MAP3K19: variants seen among roughly 807,000 people sequenced by gnomAD.
MAP3K19 encodes the protein SPS1/STE20-related protein kinase YSK4.
Under a neutral mutation model 114.4 loss-of-function variants are expected in MAP3K19, and 91 were observed. The ratio of observed to expected loss-of-function variants is 0.80; its 90% CI spans 0.67 to 0.95. The LOEUF (loss-of-function observed/expected upper bound fraction) is 0.95, where lower values mean the gene tolerates loss of function less well. Ranked by LOEUF, MAP3K19 falls within the 40% of genes least tolerant of loss-of-function variation. The pLI is 0.00. For synonymous variants in MAP3K19, 518 were observed against 530.5 expected, an observed-to-expected ratio of 0.98 and a Z score of 0.32; for missense variants, 1,471 against 1,573.2, an observed-to-expected ratio of 0.94 and a Z score of 1.10.
intron 5 of MAP3K19, among the ~76,000 whole-genome samples, chr2:135,015,753 C>T (rs1226655739): frequency 2.6e-5 from 4 of 151,926 alleles, no homozygotes; most frequent in African/African-American, 9.7e-5. Flanking sequence ...ATTAGCCGGG[C>T]ATGGTGGTGC....
In MAP3K19 at chr2:134,999,842, A is replaced by G. The variant is rs912003326; in HGVS notation, c.314+95T>C. The G allele has an allele frequency of 2.4e-6, 2 of 840,596 alleles. No individual in the cohort carries two copies. The highest frequency in any genetic ancestry group is 4.0e-6 in the Non-Finnish European group (2 of 497,018). 52.1% of individuals were successfully genotyped at this position (840,596 alleles called of 1,614,324 possible). On this transcript the variant is annotated intron_variant, in intron 7 of 12. Coordinates refer to ENST00000392915, the MANE Select transcript of MAP3K19 (RefSeq NM_025052.5). The surrounding 1 kb of genome is among the most constrained non-coding windows in gnomAD (Gnocchi z 4.1). ...ATTGTGACCTCTACTTTTAAGCATT[A>G]TTATGGATTCAATTACTAATAATGT...
chr2:135,016,017 G>A (rs1687566726), intron 5 of MAP3K19, among the ~76,000 whole-genome samples: 1 of 152,154 alleles, frequency 6.6e-6, no homozygotes, highest in African/African-American at 2.4e-5. Context: ...TTGGGAGGAT[G>A]AGGCAGGGAC....
chr2:135,003,726 G>A (rs1046721138), intron 6 of MAP3K19, among the ~76,000 whole-genome samples: 3 of 151,836 alleles, frequency 2.0e-5, no homozygotes, highest in Non-Finnish European at 4.4e-5. Flanking sequence ...GGCTAATTTT[G>A]TATTTTTAGT....
chr2:135,036,999 CTTTT>C (rs10617799), intron 2 of MAP3K19, among the ~76,000 whole-genome samples: 16 of 144,564 alleles, frequency 1.1e-4, no homozygotes, highest in East Asian at 4.1e-4. Flanking sequence ...GTAAAACATT[CTTTT>C]TTTTTTTTTT....
At position 134,999,139 on chromosome 2, in the gene MAP3K19, A is replaced by G; in HGVS notation, c.315-142T>C. Reference sequence around the variant, plus strand: ...TGCTGAAAGGAAAGGCTGAATCCTGAGAGGGTAAGACATCTCCACCTGCTG... The same window carrying G: ...TGCTGAAAGGAAAGGCTGAATCCTGGGAGGGTAAGACATCTCCACCTGCTG... On this transcript the variant is annotated intron_variant, in intron 7 of 12. Coordinates refer to ENST00000392915, the MANE Select transcript of MAP3K19 (RefSeq NM_025052.5). The surrounding 1 kb of genome is among the most constrained non-coding windows in gnomAD (Gnocchi z 4.1). 1.0e-6 allele frequency: 1 copy of G among 977,794 alleles called. No homozygotes were observed. Among genetic ancestry groups the G allele is most frequent in the Non-Finnish European group, 1.5e-6 (1 of 661,782 alleles). 60.6% of individuals were successfully genotyped at this position (977,794 alleles called of 1,614,324 possible).
chr2:135,018,534 G>A (rs1246519596), intron 5 of MAP3K19, among the ~76,000 whole-genome samples: 2 of 152,124 alleles, frequency 1.3e-5, no homozygotes, highest in African/African-American at 4.8e-5. Flanking sequence ...GACAGCTCTT[G>A]CTATGTTGTT....
chr2:135,026,019 AG>A (rs533181484), intron 3 of MAP3K19, among the ~76,000 whole-genome samples: 44 of 152,224 alleles, frequency 2.9e-4, no homozygotes, highest in Non-Finnish European at 5.1e-4. Flanking sequence ...GCTATGGGAC[AG>A]GGTAATGTGT....
chr2:135,046,257 C>G (rs1688739885), intron 1 of MAP3K19, among the ~76,000 whole-genome samples: 1 of 151,950 alleles, frequency 6.6e-6, no homozygotes, highest in Non-Finnish European at 1.5e-5. Flanking sequence ...TCTCAATTTT[C>G]CATTTAGAAT....
chr2:135,009,870 C>T (rs1370673440), intron 5 of MAP3K19, among the ~76,000 whole-genome samples: 1 of 152,088 alleles, frequency 6.6e-6, no homozygotes, highest in Non-Finnish European at 1.5e-5. Context: ...AATAATGGAA[C>T]ACTAAGCATA....
At chr2:135,043,186 T>C (rs1688679660) in intron 1 of MAP3K19, among the ~76,000 whole-genome samples, 1 of 152,112 alleles carries the variant, frequency 6.6e-6, no homozygotes, top group South Asian at 2.1e-4. Context: ...GTCCAGGAAC[T>C]AAGGGAGGAC....
In MAP3K19 at chr2:134,981,707, A is replaced by G. The variant is rs74670344; in HGVS notation, c.3223-189T>C. Among the ~76,000 whole-genome samples, 596 of 152,236 alleles carry G rather than the reference A, an allele frequency of 3.9e-3. 4 individuals carry two copies. The highest frequency in any genetic ancestry group is 0.013 in the African/African-American group (556 of 41,526). Reference sequence around the variant, plus strand: ...TCAGTGGAGCCAAGATGGGTATGAGAAACATGGTGGATGGATGTCATATTG... The same window carrying G: ...TCAGTGGAGCCAAGATGGGTATGAGGAACATGGTGGATGGATGTCATATTG... On this transcript the variant is annotated intron_variant, in intron 11 of 12. Transcript: ENST00000392915.
At position 134,998,781 on chromosome 2, in the gene MAP3K19, T is replaced by C; in HGVS notation, c.531A>G (p.Glu177=). 6.2e-7 allele frequency: 1 copy of C among 1,606,162 alleles called. No homozygotes were observed. The change falls in exon 8 of 13, where the codon GAA becomes GAG. Residue 177 remains glutamate (E), a synonymous_variant. Transcript: ENST00000392915. The part of the protein sequence containing the change: ...ELNISKSVTR[E]DAPHFLKEQQ... ...GCTCCTTCAGAAAATGAGGAGCATCTTCTCTGGTTACAGACTTGGAAATGT... is the reference window on the plus strand; with the variant it reads ...GCTCCTTCAGAAAATGAGGAGCATCCTCTCTGGTTACAGACTTGGAAATGT...
Position 134,981,283 on chromosome 2 carries a change from T to C in MAP3K19, c.3458A>G (p.Asn1153Ser). The C allele has an allele frequency of 2.5e-6, 4 of 1,614,206 alleles. No individual in the cohort carries two copies. The highest frequency in any genetic ancestry group is 3.4e-6 in the Non-Finnish European group (4 of 1,180,040). The change falls in exon 12 of 13, where the codon AAC becomes AGC. Residue 1153 changes from asparagine to serine, a missense_variant. By Grantham distance (46) the Asn-to-Ser change is conservative. Transcript: ENST00000392915. ...VPGGSISSIINRFGPLPEMVF... is the reference protein window; with the variant it reads ...VPGGSISSIISRFGPLPEMVF... ...CATCTCAGGCAATGGCCCAAAACGG[T>C]TTATAATACTAGAGATTGAGCCACC...
chr2:135,009,545 A>AGT (rs1329614683), intron 5 of MAP3K19, among the ~76,000 whole-genome samples: 3 of 152,114 alleles, frequency 2.0e-5, no homozygotes, highest in African/African-American at 7.2e-5. Flanking sequence ...TTCATTTGGA[A>AGT]GTGTTAGTCA....
chr2:134,978,350 T>C (rs1684393334), intron 12 of MAP3K19, among the ~76,000 whole-genome samples: 1 of 151,856 alleles, frequency 6.6e-6, no homozygotes, highest in Non-Finnish European at 1.5e-5. Flanking sequence ...CACACCACCA[T>C]GCCTGGCTAA....
At chr2:135,046,314 A>T (rs1486551795) in intron 1 of MAP3K19, among the ~76,000 whole-genome samples, 1 of 151,946 alleles carries the variant, frequency 6.6e-6, no homozygotes, top group African/African-American at 2.4e-5. Context: ...GTCTCCCTCT[A>T]TCGCCCAGAC....
chr2:134,969,380 G>A (rs569531631), intron 12 of MAP3K19, among the ~76,000 whole-genome samples: 5 of 152,116 alleles, frequency 3.3e-5, no homozygotes, highest in South Asian at 2.1e-4. Flanking sequence ...AGAGGGAGAC[G>A]AGAGGGAGAG....
intron 3 of MAP3K19, among the ~76,000 whole-genome samples, chr2:135,027,102 G>A (rs1467493011): frequency 3.3e-5 from 5 of 152,034 alleles, no homozygotes; most frequent in Admixed American, 6.6e-5. Context: ...AAAATTAGCC[G>A]GGCATAGTGG....
Position 134,974,249 on chromosome 2 carries a change from C to T in MAP3K19, c.3920+6572G>A, listed in dbSNP as rs1365891960. Among the ~76,000 whole-genome samples, 4 of 152,328 alleles carry T rather than the reference C, an allele frequency of 2.6e-5. No individual in the cohort carries two copies. In the South Asian group the frequency reaches 6.2e-4, roughly 24 times the overall value. ...CTCCCGACTTTAGGTGATCCACCCACTTCAGCCTTCCAAAGTGCTGGGATT... is the reference window on the plus strand; with the variant it reads ...CTCCCGACTTTAGGTGATCCACCCATTTCAGCCTTCCAAAGTGCTGGGATT... On this transcript the variant is annotated intron_variant, in intron 12 of 12. Coordinates refer to ENST00000392915, the MANE Select transcript of MAP3K19 (RefSeq NM_025052.5).
Sources: gnomAD v4.1 joint callset for allele counts (sites outside exome capture counted in the v4.1 genomes callset) on GRCh38, gnomAD v4.1.1 for gene constraint, Gnocchi (gnomAD v3.1) non-coding constraint, MANE v1.5 for transcripts, NCBI Gene and HGNC (gene_info 2026-07-23, HGNC 2026-07-21) for gene names.